Variants in DLGAP1 observed in about 807,000 individuals in gnomAD.
DLGAP1 encodes the protein disks large-associated protein 1.
DLGAP1 carries 11 observed loss-of-function variants against 90.8 expected under a neutral mutation model. The ratio of observed to expected loss-of-function variants is 0.12; its 90% CI spans 0.08 to 0.20. DLGAP1 has a LOEUF of 0.20. DLGAP1 is among the 10% of genes least tolerant of loss of function. The pLI is 1.00. For missense variants in DLGAP1, 1,050 were observed against 1,333.8 expected (o/e 0.79, Z 3.31); for synonymous variants, 558 against 540.7 (o/e 1.03, Z -0.44).
chr18:3,620,267 A>G (rs2058046936), intron 7 of DLGAP1, among the ~76,000 whole-genome samples: 1 of 151,992 alleles, frequency 6.6e-6, no homozygotes, highest in African/African-American at 2.4e-5. Context: ...GGGGTTGAAG[A>G]TGCACCTCTG....
At position 3,879,691 on chromosome 18, in the gene DLGAP1, C is replaced by A. The variant is rs1004441485; in HGVS notation, c.378G>T (p.Thr126=). The change falls in exon 4 of 13, where the codon ACG becomes ACT. Residue 126 remains threonine, a synonymous_variant. Transcript: ENST00000315677. This position sits in a 1 kb window ranked among gnomAD's most constrained non-coding sequence, Gnocchi z 6.6. Reference sequence around the variant, plus strand: ...GGCTGTCGCTGCGGTGCTCCACGGCCGTGCGCTTGTACTGCAGGGTGTGAT... The same window carrying A: ...GGCTGTCGCTGCGGTGCTCCACGGCAGTGCGCTTGTACTGCAGGGTGTGAT... ...DGYHTLQYKR[T]AVEHRSDSPG... The A allele has an allele frequency of 1.2e-5, 20 of 1,607,658 alleles. No individual in the cohort carries two copies. Among genetic ancestry groups the A allele is most frequent in the Middle Eastern group, 1.6e-4 (1 of 6,082 alleles).
At chr18:3,558,218 A>T (rs1280943108) in intron 9 of DLGAP1, among the ~76,000 whole-genome samples, 1 of 151,786 alleles carries the variant, frequency 6.6e-6, no homozygotes, top group African/African-American at 2.4e-5. Context: ...CAGTTCAAGA[A>T]CTCATGTATT....
At chr18:3,619,060 G>A (rs2058000516) in intron 7 of DLGAP1, among the ~76,000 whole-genome samples, 1 of 152,152 alleles carries the variant, frequency 6.6e-6, no homozygotes, top group South Asian at 2.1e-4. Flanking sequence ...TGAGGACAGA[G>A]AGAGGCCAGC....
chr18:3,590,290 A>C (rs2056158233), intron 7 of DLGAP1, among the ~76,000 whole-genome samples: 1 of 152,174 alleles, frequency 6.6e-6, no homozygotes, highest in Non-Finnish European at 1.5e-5. Context: ...TCAGCTTGCT[A>C]AGCTCGATTG....
chr18:3,508,575 TTTC>T lies in DLGAP1; in HGVS notation c.2563_2565del (p.Glu855del). The T allele has an allele frequency of 6.2e-7, 1 of 1,611,212 alleles. No homozygotes were observed. Among genetic ancestry groups the T allele is most frequent in the Non-Finnish European group, 8.5e-7 (1 of 1,178,520 alleles). On this transcript the variant is annotated inframe_deletion, in exon 11 of 13. Transcript: ENST00000315677. The stretch of plus-strand genomic sequence containing the variant: ...AGAAGGAGAGTGTTACCTACCAGGT[TTTC>T]TTCACACAGTTCTCTGAACTGGTAG...
intron 5 of DLGAP1, among the ~76,000 whole-genome samples, chr18:3,799,459 G>GC (rs1424153814): frequency 6.6e-6 from 1 of 150,406 alleles, no homozygotes; most frequent in East Asian, 1.9e-4. Flanking sequence ...AGGGTGACCA[G>GC]CAGACCCTGT....
At chr18:3,764,549 T>A (rs540229939) in intron 5 of DLGAP1, among the ~76,000 whole-genome samples, 3 of 152,352 alleles carry the variant, frequency 2.0e-5, no homozygotes, top group African/African-American at 7.2e-5. Context: ...AAGAGGGAAA[T>A]ACGGGTAGTT....
chr18:4,070,866 A>C (rs545907463), intron 2 of DLGAP1, among the ~76,000 whole-genome samples: 2 of 152,280 alleles, frequency 1.3e-5, no homozygotes, highest in African/African-American at 4.8e-5. Context: ...ATTCTATTAA[A>C]AAATAAAAAA....
At chr18:4,171,205 C>G (rs1458275463) in intron 1 of DLGAP1, among the ~76,000 whole-genome samples, 1 of 152,074 alleles carries the variant, frequency 6.6e-6, no homozygotes, top group Non-Finnish European at 1.5e-5. Context: ...GTGGTTTCTG[C>G]AAGCCAAATG....
chr18:3,917,199 T>C (rs566652498), intron 3 of DLGAP1, among the ~76,000 whole-genome samples: 53 of 152,368 alleles, frequency 3.5e-4, no homozygotes, highest in African/African-American at 1.2e-3. Flanking sequence ...GAATTAATGA[T>C]ATTTTCAATT....
Position 4,077,639 on chromosome 18 carries a change from C to T in DLGAP1, c.-158-72438G>A, listed in dbSNP as rs567856907. Among the ~76,000 whole-genome samples, 87 of 152,212 alleles carry T rather than the reference C, an allele frequency of 5.7e-4. No individual in the cohort carries two copies. In the Middle Eastern group the frequency reaches 0.014, roughly 24 times the overall value. ...TCTGCATATTACTGGCTTCTCTCCCCCTCTGCCACAAGCAGAAGCAGCCTG... is the reference window on the plus strand; with the variant it reads ...TCTGCATATTACTGGCTTCTCTCCCTCTCTGCCACAAGCAGAAGCAGCCTG... On this transcript the variant is annotated intron_variant, in intron 2 of 12. Coordinates refer to ENST00000315677, the MANE Select transcript of DLGAP1 (RefSeq NM_004746.4).
chr18:3,732,599 G>T (rs2062480408), intron 6 of DLGAP1, among the ~76,000 whole-genome samples: 1 of 152,108 alleles, frequency 6.6e-6, no homozygotes, highest in African/African-American at 2.4e-5. Flanking sequence ...AAAAATATTT[G>T]ATGGTTTTAA....
chr18:3,793,965 G>A (rs1477548139), intron 5 of DLGAP1, among the ~76,000 whole-genome samples: 1 of 152,192 alleles, frequency 6.6e-6, no homozygotes, highest in African/African-American at 2.4e-5. Context: ...TGCAAGCTCT[G>A]TAAGGGCAGG....
At chr18:3,843,512 C>A (rs1434545551) in intron 4 of DLGAP1, among the ~76,000 whole-genome samples, 1 of 152,104 alleles carries the variant, frequency 6.6e-6, no homozygotes, top group Non-Finnish European at 1.5e-5. Context: ...GAACATAGAT[C>A]AATCTATAGG....
chr18:4,384,296 ATTAAG>A (rs1015611216), intron 1 of DLGAP1, among the ~76,000 whole-genome samples: 34 of 152,280 alleles, frequency 2.2e-4, no homozygotes, highest in Non-Finnish European at 3.7e-4. Flanking sequence ...CAGAGAAGTT[ATTAAG>A]TTAATATGTT....
chr18:3,510,638 G>A (rs951380261), intron 10 of DLGAP1, among the ~76,000 whole-genome samples: 3 of 152,118 alleles, frequency 2.0e-5, no homozygotes, highest in East Asian at 1.9e-4. Flanking sequence ...CTGTGAGATC[G>A]GCAAATCTCA....
chr18:3,565,398 C>T lies in DLGAP1; in HGVS notation c.2057+2092G>A, dbSNP rs931485218. Among the ~76,000 whole-genome samples, 3 of 152,058 alleles carry T rather than the reference C, an allele frequency of 2.0e-5. No homozygotes were observed. The highest frequency in any genetic ancestry group is 4.4e-5 in the Non-Finnish European group (3 of 68,012). ...CTCCTTACCTCAGGTGATCCACCTG[C>T]CTCGGCCTCCCAGACTGCTGGGATT... On this transcript the variant is annotated intron_variant, in intron 9 of 12. Transcript: ENST00000315677. The surrounding 1 kb of genome is among the most constrained non-coding windows in gnomAD (Gnocchi z 4.0).
chr18:3,535,001 C>T (rs2052261256), intron 9 of DLGAP1, among the ~76,000 whole-genome samples: 1 of 151,602 alleles, frequency 6.6e-6, no homozygotes, highest in African/African-American at 2.4e-5. Flanking sequence ...AAGGATATTT[C>T]TTGAAGCAAA....
Position 4,206,635 on chromosome 18 carries a change from C to T in DLGAP1, c.-266-55348G>A, listed in dbSNP as rs183177249. Among the ~76,000 whole-genome samples, 11 of 152,278 alleles carry T rather than the reference C, an allele frequency of 7.2e-5. No homozygotes were observed. In the East Asian group the frequency reaches 9.7e-4, roughly 13 times the overall value. On this transcript the variant is annotated intron_variant, in intron 1 of 12. Transcript: ENST00000315677. ...GTCAGATAAGGGAATTCCTTGCATA[C>T]GACAGTTAAAAGCCATAGTGTTCTA...
Sources: gnomAD v4.1 joint callset for allele counts (sites outside exome capture counted in the v4.1 genomes callset) on GRCh38, gnomAD v4.1.1 for gene constraint, Gnocchi (gnomAD v3.1) non-coding constraint, MANE v1.5 for transcripts, NCBI Gene and HGNC (gene_info 2026-07-23, HGNC 2026-07-21) for gene names.